Variants in DIP2C observed in about 807,000 individuals in gnomAD.
DIP2C encodes DIP2 acetate--CoA ligase C (putative).
A neutral mutation model predicts 192.4 loss-of-function variants in DIP2C; 33 were observed. The ratio of observed to expected loss-of-function variants is 0.17; its 90% confidence interval spans 0.13 to 0.23. The LOEUF (loss-of-function observed/expected upper bound fraction) is 0.23. Ranked by LOEUF, DIP2C falls within the 10% of genes least tolerant of loss-of-function variation. The pLI is 1.00. For missense variants in DIP2C, 1,537 were observed against 2,110.1 expected (o/e 0.73, Z 5.32); for synonymous variants, 979 against 864.1 (o/e 1.13, Z -2.33).
At chr10:613,539 C>A (rs548991878) in intron 1 of DIP2C, among the ~76,000 whole-genome samples, 1 of 152,210 alleles carries the variant, frequency 6.6e-6, no homozygotes, top group Non-Finnish European at 1.5e-5. Flanking sequence ...CAACTGCATT[C>A]GTCTCCACCC....
In DIP2C at chr10:568,691, G is replaced by A. The variant is rs183786886; in HGVS notation, c.86-82161C>T. Among the ~76,000 whole-genome samples the A allele has an allele frequency of 2.1e-3, 303 of 147,638 alleles. 1 individual carries two copies. Among genetic ancestry groups the A allele is most frequent in the Middle Eastern group, 0.01 (3 of 286 alleles). On this transcript the variant is annotated intron_variant, in intron 1 of 36. Transcript: ENST00000280886. ...TGAGGCAGGAGAATGGCGTGAACCC[G>A]GGAGGCGGAGCTTGCAGTGAGTCGA... is the stretch of plus-strand genomic sequence containing the variant.
intron 1 of DIP2C, among the ~76,000 whole-genome samples, chr10:539,332 T>C (rs1847854325): frequency 6.6e-6 from 1 of 152,258 alleles, no homozygotes; most frequent in Non-Finnish European, 1.5e-5. Context: ...GTGTTTGTAC[T>C]AAGCATTCAG....
chr10:632,995 C>T (rs577604734), intron 1 of DIP2C, among the ~76,000 whole-genome samples: 12 of 152,358 alleles, frequency 7.9e-5, no homozygotes, highest in African/African-American at 2.4e-4. Context: ...TGAACTCAGA[C>T]GCAACGGCAC....
chr10:545,727 T>TG (rs1382202511), intron 1 of DIP2C, among the ~76,000 whole-genome samples: 7 of 152,218 alleles, frequency 4.6e-5, no homozygotes, highest in Non-Finnish European at 8.8e-5. Flanking sequence ...ACTCTTACAC[T>TG]GGATCCATTT....
intron 1 of DIP2C, among the ~76,000 whole-genome samples, chr10:560,348 GCACAA>G (rs1849136873): frequency 6.6e-6 from 1 of 151,746 alleles, no homozygotes; most frequent in Non-Finnish European, 1.5e-5. Flanking sequence ...GACAAAAGCT[GCACAA>G]CACAAGAGAC....
In DIP2C at chr10:474,754, T is replaced by G. The variant is rs911681052; in HGVS notation, c.158-2205A>C. ...CGAGTCTTTCGCCTAGATACGGACT[T>G]CTGGGTGAAAATTACTTTTATTCAT... is the stretch of plus-strand genomic sequence containing the variant. On this transcript the variant is annotated intron_variant, in intron 2 of 36. Transcript: ENST00000280886. Among the ~76,000 whole-genome samples the G allele has an allele frequency of 3.3e-5, 5 of 152,234 alleles. No homozygotes were observed. The East Asian group carries it at 9.6e-4, about 29-fold the overall frequency.
intron 3 of DIP2C, among the ~76,000 whole-genome samples, chr10:458,412 G>A (rs1283328144): frequency 6.6e-6 from 1 of 152,248 alleles, no homozygotes; most frequent in Non-Finnish European, 1.5e-5. Flanking sequence ...AACTTATACG[G>A]TGACCCCCAT....
intron 1 of DIP2C, among the ~76,000 whole-genome samples, chr10:633,363 A>G (rs1854639400): frequency 6.6e-6 from 1 of 152,226 alleles, no homozygotes; most frequent in East Asian, 1.9e-4. Flanking sequence ...GCGGTGCCAT[A>G]GAGCAGACGG....
At position 518,607 on chromosome 10, in the gene DIP2C, C is replaced by A. The variant is rs1846508945; in HGVS notation, c.86-32077G>T. Among the ~76,000 whole-genome samples, 3 of 152,192 alleles carry A rather than the reference C, an allele frequency of 2.0e-5. No individual in the cohort carries two copies. The South Asian group carries it at 6.2e-4, about 31-fold the overall frequency. On this transcript the variant is annotated intron_variant, in intron 1 of 36. Transcript: ENST00000280886. ...TCAGGGCCAGAGAGAAGGCGTGTGC[C>A]AACCAGGAAGGGGCCCACACCAGAA...
At chr10:598,011 G>A (rs898763123) in intron 1 of DIP2C, among the ~76,000 whole-genome samples, 1 of 152,226 alleles carries the variant, frequency 6.6e-6, no homozygotes, top group African/African-American at 2.4e-5. Flanking sequence ...CATGCACTCA[G>A]CAGCGCCATC....
intron 1 of DIP2C, among the ~76,000 whole-genome samples, chr10:598,747 G>A (rs1306239314): frequency 6.6e-6 from 1 of 152,238 alleles, no homozygotes; most frequent in Admixed American, 6.5e-5. Flanking sequence ...GAATAACCAA[G>A]CAAGAATCTT....
intron 29 of DIP2C, among the ~76,000 whole-genome samples, chr10:334,317 A>AAAG (rs1554821644): frequency 5.3e-5 from 8 of 151,414 alleles, no homozygotes; most frequent in East Asian, 1.9e-4. Context: ...AAAAAAAAAA[A>AAAG]AAAAAAAAGA....
At chr10:335,805 T>C (rs1024594960) in intron 29 of DIP2C, among the ~76,000 whole-genome samples, 10 of 152,376 alleles carry the variant, frequency 6.6e-5, no homozygotes, top group African/African-American at 1.9e-4. Context: ...ATGGCTACTA[T>C]AGAAATCCTC....
At chr10:293,412 AAAC>A (rs1298098647) in intron 32 of DIP2C, among the ~76,000 whole-genome samples, 3 of 152,230 alleles carry the variant, frequency 2.0e-5, no homozygotes, top group Non-Finnish European at 4.4e-5. Context: ...GCCGCTGAAA[AAAC>A]AACCAAAACT....
At chr10:634,874 G>C (rs975524041) in intron 1 of DIP2C, among the ~76,000 whole-genome samples, 1 of 152,194 alleles carries the variant, frequency 6.6e-6, no homozygotes, top group African/African-American at 2.4e-5. Context: ...AAGCCAATTA[G>C]ATCAACATTC....
At chr10:450,548 C>G (rs569002074) in intron 3 of DIP2C, among the ~76,000 whole-genome samples, 2 of 152,270 alleles carry the variant, frequency 1.3e-5, no homozygotes, top group East Asian at 3.9e-4. Flanking sequence ...AAAAATGATG[C>G]AGAGAATTCT....
chr10:362,887 G>A (rs1421309724), intron 21 of DIP2C, among the ~76,000 whole-genome samples, 196 bp from the exon 22 acceptor site: 1 of 152,224 alleles, frequency 6.6e-6, no homozygotes, highest in Non-Finnish European at 1.5e-5. Context: ...CCCAGGGCTT[G>A]TGGAAGACCA....
intron 9 of DIP2C, 150 bp from the exon 10 acceptor site, chr10:399,369 GCAT>G: frequency 1.6e-6 from 1 of 617,504 alleles, no homozygotes; most frequent in South Asian, 2.0e-5. Flanking sequence ...GTTTTAATAA[GCAT>G]CACACACCCG....
Position 556,577 on chromosome 10 carries a change from C to CT in DIP2C, c.86-70048dup, listed in dbSNP as rs1306817128. On this transcript the variant is annotated intron_variant, in intron 1 of 36. Coordinates refer to ENST00000280886, the MANE Select transcript of DIP2C (RefSeq NM_014974.3). ...AGCTCCTCCCTCACAGACCCAGTCA[C>CT]TCCAACGTGTCACCATCTGCTATAG... Among the ~76,000 whole-genome samples, 4 of 151,440 alleles carry CT rather than the reference C, an allele frequency of 2.6e-5. No homozygotes were observed. In the East Asian group the frequency reaches 8.0e-4, roughly 30 times the overall value.
Sources: allele counts gnomAD v4.1 joint callset (sites outside exome capture counted in the v4.1 genomes callset), GRCh38; gene constraint gnomAD v4.1.1; transcripts MANE v1.5; gene names NCBI Gene and HGNC (gene_info 2026-07-23, HGNC 2026-07-21).